BRD10: variants seen among roughly 807,000 people sequenced by gnomAD.
BRD10 encodes uncharacterized bromodomain-containing protein 10.
At chr9:5,968,170 C>G in the BRD10 span, 2 of 1,604,980 alleles carry the variant, frequency 1.2e-6, no homozygotes, top group Non-Finnish European at 1.7e-6. Context: ...TCTTTTTTTT[C>G]TTTTTCTTCT....
the BRD10 span, among the ~76,000 whole-genome samples, chr9:5,897,385 T>C: frequency 1.3e-5 from 2 of 152,198 alleles, no homozygotes; most frequent in East Asian, 3.8e-4. Context: ...TAGATCCAGG[T>C]GCTGGAGGCC....
chr9:5,941,207 AC>A, the BRD10 span, among the ~76,000 whole-genome samples: 6,316 of 152,276 alleles, frequency 0.041, 359 homozygotes, highest in South Asian at 0.12. Context: ...AATTTCAAGT[AC>A]AATAAGATCA....
chr9:5,887,983 T>C, the BRD10 span, among the ~76,000 whole-genome samples: 1 of 152,214 alleles, frequency 6.6e-6, no homozygotes, highest in African/African-American at 2.4e-5. Flanking sequence ...CTATCCAGTA[T>C]CTGGTGGGTT....
the BRD10 span, among the ~76,000 whole-genome samples, chr9:5,943,280 T>G: frequency 6.6e-6 from 1 of 152,178 alleles, no homozygotes; most frequent in Non-Finnish European, 1.5e-5. Flanking sequence ...CTTTTTCTCC[T>G]ATAATATATA....
At chr9:6,002,147 A>G in the BRD10 span, among the ~76,000 whole-genome samples, 91,064 of 152,172 alleles carry the variant, frequency 0.6, 28,938 homozygotes, top group East Asian at 0.71. Flanking sequence ...CTATGCCTGT[A>G]TATGTGTTTC....
chr9:5,905,764 G>A, the BRD10 span, among the ~76,000 whole-genome samples: 1 of 152,154 alleles, frequency 6.6e-6, no homozygotes, highest in Non-Finnish European at 1.5e-5. Context: ...ATTGATTTAT[G>A]ATTTTTACCT....
chr9:5,994,051 C>A, the BRD10 span, among the ~76,000 whole-genome samples: 1 of 152,160 alleles, frequency 6.6e-6, no homozygotes. Context: ...AACCAAGTAT[C>A]AAAATAAACC....
At chr9:5,944,773 T>C in the BRD10 span, 1 of 536,698 alleles carries the variant, frequency 1.9e-6, no homozygotes. Flanking sequence ...AATTTTCATG[T>C]AATCCAGGAA....
the BRD10 span, among the ~76,000 whole-genome samples, chr9:5,967,694 GAA>G: frequency 8.1e-6 from 1 of 123,726 alleles, no homozygotes; most frequent in African/African-American, 3.1e-5. Context: ...CCCTTAGCCT[GAA>G]AAAAAAAAAA....
chr9:5,940,003 T>C, the BRD10 span, among the ~76,000 whole-genome samples: 2 of 152,206 alleles, frequency 1.3e-5, no homozygotes, highest in African/African-American at 4.8e-5. Context: ...ACTTCTCTAA[T>C]ATTCAGTCTA....
At chr9:6,008,295 G>A in the BRD10 span, 1 of 985,026 alleles carries the variant, frequency 1.0e-6, no homozygotes, top group Non-Finnish European at 1.2e-6. Context: ...GGGGGACACG[G>A]GCAGAAGGAG....
At chr9:6,000,169 T>C in the BRD10 span, among the ~76,000 whole-genome samples, 1 of 152,150 alleles carries the variant, frequency 6.6e-6, no homozygotes, top group African/African-American at 2.4e-5. Flanking sequence ...GAATCTTTTT[T>C]CAAAGTGTAC....
the BRD10 span, among the ~76,000 whole-genome samples, chr9:6,000,081 G>A: frequency 6.6e-6 from 1 of 152,076 alleles, no homozygotes; most frequent in Non-Finnish European, 1.5e-5. Context: ...ATATAGAAAA[G>A]TTAAAAGAAG....
the BRD10 span, among the ~76,000 whole-genome samples, chr9:5,999,898 T>C: frequency 1.3e-5 from 2 of 151,140 alleles, no homozygotes; most frequent in African/African-American, 4.9e-5. Context: ...ATTAACCACA[T>C]ACTACCTTCT....
At chr9:5,993,438 T>TA in the BRD10 span, among the ~76,000 whole-genome samples, 1 of 151,724 alleles carries the variant, frequency 6.6e-6, no homozygotes, top group African/African-American at 2.4e-5. Flanking sequence ...AGATAATATG[T>TA]AAAAAGATGT....
the BRD10 span, chr9:5,929,018 A>G: frequency 2.4e-6 from 3 of 1,246,220 alleles, no homozygotes; most frequent in Non-Finnish European, 3.5e-6. Flanking sequence ...TAAAATAAGT[A>G]AAACAGATTA....
chr9:5,990,717 A>G, the BRD10 span, among the ~76,000 whole-genome samples: 7,773 of 152,298 alleles, frequency 0.051, 232 homozygotes, highest in Middle Eastern at 0.078. Context: ...ATGTAAAGAT[A>G]AAAAAGACTG....
chr9:5,967,622 T>G, the BRD10 span, among the ~76,000 whole-genome samples: 1 of 149,446 alleles, frequency 6.7e-6, no homozygotes, highest in Non-Finnish European at 1.5e-5. Flanking sequence ...CTAGTTGCTA[T>G]GAACTTTAGT....
chr9:5,938,757 G>A, the BRD10 span, among the ~76,000 whole-genome samples: 1 of 152,162 alleles, frequency 6.6e-6, no homozygotes, highest in Non-Finnish European at 1.5e-5. Context: ...TTCTCCCACA[G>A]CTGAGATAGT....
Sources: allele counts gnomAD v4.1 joint callset (sites outside exome capture counted in the v4.1 genomes callset), GRCh38; gene constraint gnomAD v4.1.1; transcripts MANE v1.5; gene names NCBI Gene and HGNC (gene_info 2026-07-23, HGNC 2026-07-21).